ALK: variants seen among roughly 807,000 people sequenced by gnomAD.
The protein encoded by ALK is ALK receptor tyrosine kinase.
In ALK, 74 loss-of-function variants were observed where a neutral mutation model predicts 163.1. The ratio of observed to expected loss-of-function variants is 0.45; its 90% CI spans 0.38 to 0.55. ALK has a LOEUF of 0.55. Among genes scored for constraint, ALK ranks in the 20% least tolerant of loss-of-function variants. The pLI is 0.00. For synonymous variants in ALK, 960 were observed against 843.2 expected (o/e 1.14, Z -2.40); for missense variants, 2,063 against 2,105.3 (o/e 0.98, Z 0.39).
At chr2:29,352,305 G>A (rs904535045) in intron 5 of ALK, among the ~76,000 whole-genome samples, 1 of 152,226 alleles carries the variant, frequency 6.6e-6, no homozygotes, top group African/African-American at 2.4e-5. Context: ...TGTATGTAGA[G>A]AGGACAGGCA....
chr2:29,213,420 T>C (rs867023572), intron 24 of ALK, among the ~76,000 whole-genome samples: 9 of 152,196 alleles, frequency 5.9e-5, no homozygotes, highest in Admixed American at 2.6e-4. Flanking sequence ...ATGCCAAGTA[T>C]ACAAAGATGA....
At chr2:29,764,875 C>T (rs1278317244) in intron 1 of ALK, among the ~76,000 whole-genome samples, 3 of 152,096 alleles carry the variant, frequency 2.0e-5, no homozygotes, top group African/African-American at 4.8e-5. Context: ...AACTGTAATT[C>T]CAAATGTTGG....
At chr2:29,211,702 C>T (rs1050008215) in intron 24 of ALK, among the ~76,000 whole-genome samples, 5 of 152,126 alleles carry the variant, frequency 3.3e-5, no homozygotes, top group African/African-American at 1.2e-4. Flanking sequence ...TGGGTATGTA[C>T]CACAGACCTC....
intron 4 of ALK, among the ~76,000 whole-genome samples, chr2:29,480,183 C>T (rs1286120670): frequency 6.6e-6 from 1 of 152,052 alleles, no homozygotes; most frequent in Non-Finnish European, 1.5e-5. Flanking sequence ...ACATAGTATA[C>T]AGGAAAAGTA....
In ALK at chr2:29,365,621, T is replaced by G. The variant is rs577156728; in HGVS notation, c.1282+18111A>C. Among the ~76,000 whole-genome samples, 14 of 152,306 alleles carry G rather than the reference T, an allele frequency of 9.2e-5. 1 individual carries two copies. The South Asian group carries it at 2.7e-3, about 29-fold the overall frequency. On this transcript the variant is annotated intron_variant, in intron 5 of 28. Coordinates refer to ENST00000389048, the MANE Select transcript of ALK (RefSeq NM_004304.5). ...TCATCATCTTTTGCCAGGAGATAAT[T>G]TGGTGTAAAACTAAAGGATTTACCT...
At chr2:29,363,655 T>G (rs1417041338) in intron 5 of ALK, among the ~76,000 whole-genome samples, 1 of 152,208 alleles carries the variant, frequency 6.6e-6, no homozygotes, top group African/African-American at 2.4e-5. Flanking sequence ...CTTTTAATCT[T>G]TGTACACAAG....
intron 4 of ALK, among the ~76,000 whole-genome samples, chr2:29,385,149 T>G (rs1288576271): frequency 6.6e-6 from 1 of 151,790 alleles, no homozygotes; most frequent in Non-Finnish European, 1.5e-5. Context: ...TAGGTTGGGC[T>G]TTGGTATGGC....
chr2:29,647,013 C>A (rs890096421), intron 3 of ALK, among the ~76,000 whole-genome samples: 4 of 152,070 alleles, frequency 2.6e-5, no homozygotes, highest in African/African-American at 7.2e-5. Context: ...GTGTGTTGAA[C>A]AAATAATTGT....
At chr2:29,916,891 A>G (rs1339088863) in intron 1 of ALK, among the ~76,000 whole-genome samples, 1 of 152,218 alleles carries the variant, frequency 6.6e-6, no homozygotes, top group Non-Finnish European at 1.5e-5. Context: ...GGCCAGAACC[A>G]TTAATACAGT....
chr2:29,545,678 G>T (rs1291917781), intron 3 of ALK, among the ~76,000 whole-genome samples: 2 of 152,150 alleles, frequency 1.3e-5, no homozygotes, highest in African/African-American at 4.8e-5. Flanking sequence ...TTTGGAATTA[G>T]CTCTGTTACT....
At chr2:29,733,851 AG>A (rs1193088699) in intron 1 of ALK, among the ~76,000 whole-genome samples, 1 of 151,948 alleles carries the variant, frequency 6.6e-6, no homozygotes, top group East Asian at 1.9e-4. Flanking sequence ...CAGCGACAGG[AG>A]GGGTTGGAGG....
chr2:29,826,653 C>T (rs1354095283), intron 1 of ALK, among the ~76,000 whole-genome samples: 1 of 152,220 alleles, frequency 6.6e-6, no homozygotes, highest in Non-Finnish European at 1.5e-5. Context: ...TGTTCTTACA[C>T]TTCCCAGGAG....
intron 1 of ALK, among the ~76,000 whole-genome samples, chr2:29,911,598 G>A (rs936357037): frequency 7.2e-5 from 11 of 152,200 alleles, no homozygotes; most frequent in Admixed American, 2.0e-4. Flanking sequence ...ATTCGCTGAC[G>A]GAACTGGCCA....
At chr2:29,874,475 G>A (rs936315035) in intron 1 of ALK, among the ~76,000 whole-genome samples, 3 of 152,162 alleles carry the variant, frequency 2.0e-5, no homozygotes, top group Non-Finnish European at 2.9e-5. Context: ...GTCAGGGCTA[G>A]TGCTGGAACC....
chr2:29,615,172 A>G (rs941574898), intron 3 of ALK, among the ~76,000 whole-genome samples: 15 of 152,092 alleles, frequency 9.9e-5, no homozygotes, highest in Non-Finnish European at 2.1e-4. Flanking sequence ...TGTGACTTTA[A>G]GGATGCTGTT....
At chr2:29,534,672 T>A (rs56349303) in intron 3 of ALK, among the ~76,000 whole-genome samples, 71,772 of 152,016 alleles carry the variant, frequency 0.47, 18,135 homozygotes, top group Non-Finnish European at 0.57. Flanking sequence ...TCAGGAAGAT[T>A]ACTGCTATGC....
At chr2:29,234,389 T>C (rs1664313365) in intron 13 of ALK, among the ~76,000 whole-genome samples, 2 of 152,118 alleles carry the variant, frequency 1.3e-5, no homozygotes, top group African/African-American at 4.8e-5. Context: ...AAGTCACAGT[T>C]CTGAAGCATC....
intron 4 of ALK, among the ~76,000 whole-genome samples, chr2:29,501,564 G>T (rs112752880): frequency 1.3e-5 from 2 of 152,094 alleles, no homozygotes; most frequent in Non-Finnish European, 2.9e-5. Flanking sequence ...TCCTCCTTCC[G>T]GGGGAAAGTA....
intron 1 of ALK, among the ~76,000 whole-genome samples, chr2:29,873,319 T>C (rs1666624219): frequency 6.6e-6 from 1 of 152,064 alleles, no homozygotes. Flanking sequence ...ATGACATTTG[T>C]AGGGGGTGGA....
Sources: gnomAD v4.1 joint callset for allele counts (sites outside exome capture counted in the v4.1 genomes callset) on GRCh38, gnomAD v4.1.1 for gene constraint, MANE v1.5 for transcripts, NCBI Gene and HGNC (gene_info 2026-07-23, HGNC 2026-07-21) for gene names.